FOLR3: variants seen among roughly 807,000 people sequenced by gnomAD.
FOLR3 encodes the protein folate receptor 3 (gamma).
In FOLR3, 9 loss-of-function variants were observed where a neutral mutation model predicts 20.0. That is an observed-to-expected ratio of 0.45 (90% CI 0.27 to 0.79). The LOEUF (loss-of-function observed/expected upper bound fraction) is 0.79, where lower values mean the gene tolerates loss of function less well. Among genes scored for constraint, FOLR3 ranks in the 30% least tolerant of loss-of-function variants. The pLI is 0.15. For synonymous variants in FOLR3, 124 were observed against 115.5 expected (o/e 1.07, Z -0.47); for missense variants, 309 against 323.5 (o/e 0.96, Z 0.34).
Position 72,138,935 on chromosome 11 carries a change from C to T in FOLR3, c.169-26C>T, listed in dbSNP as rs761619792. 10 of 1,612,770 alleles carry T rather than the reference C, an allele frequency of 6.2e-6. No homozygotes were observed. In the Admixed American group the frequency reaches 1.5e-4, roughly 24 times the overall value. The stretch of plus-strand genomic sequence containing the variant: ...AGGAGATGGCTGTGGTGGGGAGAGA[C>T]TTAGTCCTGTGTCTTCCCCACCCAG... On this transcript the variant is annotated intron_variant, in intron 2 of 4. Coordinates refer to ENST00000611028, the MANE Select transcript of FOLR3 (RefSeq NM_000804.4).
chr11:72,137,714 G>C (rs577120309), intron 2 of FOLR3, among the ~76,000 whole-genome samples: 1 of 151,954 alleles, frequency 6.6e-6, no homozygotes, highest in East Asian at 1.9e-4. Context: ...GGCTGGTCTC[G>C]AACTTCTAAC....
At chr11:72,138,409 G>A (rs1349436404) in intron 2 of FOLR3, among the ~76,000 whole-genome samples, 6 of 152,100 alleles carry the variant, frequency 3.9e-5, no homozygotes, top group African/African-American at 7.2e-5. Context: ...TTTTTAAACC[G>A]TTAAGAGCTG....
Position 72,139,108 on chromosome 11 carries a change from C to G in FOLR3, c.316C>G (p.Leu106Val). Residue 106 changes from leucine (L) to valine (V), a missense_variant, in exon 3 of 5, where the codon CTC becomes GTC. Transcript: ENST00000611028. ...CKRHFIQDSC[L>V]YECSPNLGPW... Reference sequence around the variant, plus strand: ...GCGCCACTTTATCCAGGACAGCTGTCTCTATGAGTGCTCACCCAACCTGGG... The same window carrying G: ...GCGCCACTTTATCCAGGACAGCTGTGTCTATGAGTGCTCACCCAACCTGGG... 6.7e-7 allele frequency: 1 copy of G among 1,494,688 alleles called. No individual in the cohort carries two copies. Among genetic ancestry groups the G allele is most frequent in the Non-Finnish European group, 8.9e-7 (1 of 1,120,540 alleles). 92.6% of individuals were successfully genotyped at this position (1,494,688 alleles called of 1,614,324 possible).
chr11:72,139,340 C>G lies in FOLR3; in HGVS notation c.358-7C>G, dbSNP rs1947786035. The stretch of plus-strand genomic sequence containing the variant: ...TGACAGGAGTATTCTGTCTCCTCCC[C>G]ACTCAGGTCAACCAGAGCTGGCGCA... On this transcript the variant is annotated splice_polypyrimidine_tract_variant and splice_region_variant and intron_variant, in intron 3 of 4. Transcript: ENST00000611028. The G allele has an allele frequency of 6.2e-7, 1 of 1,610,280 alleles. No homozygotes were observed. The highest frequency in any genetic ancestry group is 1.1e-5 in the South Asian group (1 of 90,568).
At chr11:72,139,325 A>T (rs756973426) in intron 3 of FOLR3, 22 bp from the exon 4 acceptor site, 1 of 1,608,880 alleles carries the variant, frequency 6.2e-7, no homozygotes, top group Non-Finnish European at 8.5e-7. Context: ...TGACAGGAGT[A>T]TTCTGTCTCC....
At position 72,139,606 on chromosome 11, in the gene FOLR3, C is replaced by G; in HGVS notation, c.513C>G (p.Ala171=). ...CCTCAGGGATTAATGAGTGTCCGGC[C>G]GGGGCCCTCTGCAGCACCTTTGAGT... ...NWTSGINECP[A]GALCSTFESY... is the part of the protein sequence containing the mutation. Residue 171 remains alanine (A), a synonymous_variant, in exon 5 of 5, where the codon GCC becomes GCG. Transcript: ENST00000611028. 6.2e-7 allele frequency: 1 copy of G among 1,613,728 alleles called. No individual in the cohort carries two copies. Among genetic ancestry groups the G allele is most frequent in the Non-Finnish European group, 8.5e-7 (1 of 1,179,900 alleles).
At position 72,136,746 on chromosome 11, in the gene FOLR3, G is replaced by A. The variant is rs558840865; in HGVS notation, c.168+626G>A. ...CTCCTTGCCAGGAAATGGTGTGGATGTAGACCTTTGAGAGAGACAGATGAC... is the reference window on the plus strand; with the variant it reads ...CTCCTTGCCAGGAAATGGTGTGGATATAGACCTTTGAGAGAGACAGATGAC... On this transcript the variant is annotated intron_variant, in intron 2 of 4. Coordinates refer to ENST00000611028, the MANE Select transcript of FOLR3 (RefSeq NM_000804.4). Among the ~76,000 whole-genome samples, 3 of 152,314 alleles carry A rather than the reference G, an allele frequency of 2.0e-5. No homozygotes were observed. The East Asian group carries it at 5.8e-4, about 29-fold the overall frequency.
intron 2 of FOLR3, 46 bp from the exon 3 acceptor site, chr11:72,138,915 A>C: frequency 6.2e-7 from 1 of 1,600,510 alleles, no homozygotes; most frequent in Non-Finnish European, 8.5e-7. Context: ...TATGGAGGAG[A>C]TGGCTGTGGT....
chr11:72,135,882 C>A, intron 1 of FOLR3, 65 bp from the exon 2 acceptor site: 7 of 1,520,188 alleles, frequency 4.6e-6, no homozygotes, highest in Non-Finnish European at 4.5e-6. Context: ...GGAGAGAGTA[C>A]ACAATCACAT....
rs371900505 is a variant in FOLR3 at position 72,138,992 on chromosome 11, C to T, written c.200C>T (p.Thr67Met). Residue 67 changes from threonine to methionine, a missense_variant, in exon 3 of 5, where the codon ACG becomes ATG. Coordinates refer to ENST00000611028, the MANE Select transcript of FOLR3 (RefSeq NM_000804.4). ...CSPWKKNACC[T>M]ASTSQELHKD... ...CCCTGGAAGAAGAATGCCTGCTGCA[C>T]GGCCAGCACCAGCCAGGAGCTGCAC... is the stretch of plus-strand genomic sequence containing the variant. 3.2e-5 allele frequency: 52 copies of T among 1,613,968 alleles called. No homozygotes were observed. Among genetic ancestry groups the T allele is most frequent in the Middle Eastern group, 3.3e-4 (2 of 6,062 alleles).
chr11:72,137,038 C>T (rs1023445792), intron 2 of FOLR3, among the ~76,000 whole-genome samples: 6 of 152,166 alleles, frequency 3.9e-5, no homozygotes, highest in Non-Finnish European at 7.4e-5. Context: ...CGGCACTGGG[C>T]GTGGGCCAGG....
rs1159690505 is a variant in FOLR3 at position 72,139,451 on chromosome 11, C to A, written c.462C>A (p.Ser154Arg). Residue 154 changes from serine (S) to arginine (R), a missense_variant, in exon 4 of 5, where the codon AGC becomes AGA. Physicochemically the swap from Ser to Arg is moderately radical, Grantham distance 110 (BLOSUM62 -1). Coordinates refer to ENST00000611028, the MANE Select transcript of FOLR3 (RefSeq NM_000804.4). ...GTCGCACCTCCTACACCTGCAAAAG[C>A]AACTGGCACAAAGGCTGGAATTGGA... ...EDCRTSYTCK[S>R]NWHKGWNWTS... is the part of the protein sequence containing the mutation. The A allele has an allele frequency of 1.2e-6, 2 of 1,613,362 alleles. No homozygotes were observed. The highest frequency in any genetic ancestry group is 2.7e-5 in the African/African-American group (2 of 74,922).
intron 2 of FOLR3, among the ~76,000 whole-genome samples, chr11:72,138,298 G>A (rs1490686556): frequency 6.6e-6 from 1 of 151,960 alleles, no homozygotes; most frequent in East Asian, 1.9e-4. Context: ...CCCGGGAGGT[G>A]GAGGTTGCAG....
intron 2 of FOLR3, among the ~76,000 whole-genome samples, chr11:72,137,446 C>A (rs866241170): frequency 5.9e-5 from 9 of 151,982 alleles, no homozygotes; most frequent in Non-Finnish European, 1.2e-4. Context: ...CACCCTCCCC[C>A]ACAACCTGGG....
intron 3 of FOLR3, 55 bp from the exon 4 acceptor site, chr11:72,139,292 G>A: frequency 2.5e-6 from 4 of 1,587,150 alleles, no homozygotes; most frequent in Non-Finnish European, 3.4e-6. Context: ...CCCTTCAAGG[G>A]TAAAGCTGCT....
At chr11:72,136,230 G>A in intron 2 of FOLR3, 110 bp downstream of exon 2, 4 of 1,351,102 alleles carry the variant, frequency 3.0e-6, no homozygotes, top group Non-Finnish European at 4.1e-6. Flanking sequence ...TGACAAGGAA[G>A]GGGAGGGGCG....
In FOLR3 at chr11:72,139,703, C is replaced by T. The variant is rs200896195; in HGVS notation, c.610C>T (p.Arg204Ter). ...CTCCTTCAAGGTCAGCAACTATAGT[C>T]GAGGGAGCGGCCGCTGCATCCAGAT... is the stretch of plus-strand genomic sequence containing the variant. ...SHSFKVSNYSRGSGRCIQMWF... is the reference protein window; with the variant it reads ...SHSFKVSNYS Residue 204 changes from arginine to a stop codon, truncating the protein, a stop_gained, in exon 5 of 5, where the codon CGA becomes TGA. Transcript: ENST00000611028. LOFTEE classifies it low-confidence loss of function (END_TRUNC). The T allele has an allele frequency of 4.6e-4, 749 of 1,613,840 alleles. No individual in the cohort carries two copies. Among genetic ancestry groups the T allele is most frequent in the Non-Finnish European group, 5.9e-4 (700 of 1,179,964 alleles).
rs763523423 is a variant in FOLR3, at chr11:72,136,014, G to A, written c.62G>A (p.Ser21Asn). Residue 21 changes from serine (S) to asparagine (N), a missense_variant, in exon 2 of 5, where the codon AGT becomes AAT. By Grantham distance (46) the Ser-to-Asn change is conservative. Transcript: ENST00000611028. ...CTGGCTTTGGTGACTGCTGCGGGGA[G>A]TGCCCAGCCCAGGAGTGCGCGGGCC... Reference protein sequence around the residue: ...LLLALVTAAGSAQPRSARART... With the variant: ...LLLALVTAAGNAQPRSARART... The A allele has an allele frequency of 2.5e-6, 4 of 1,613,966 alleles. No homozygotes were observed. The South Asian group carries it at 4.4e-5, about 18-fold the overall frequency.
intron 4 of FOLR3, 36 bp downstream of exon 4, chr11:72,139,518 T>C: frequency 6.2e-7 from 1 of 1,611,770 alleles, no homozygotes; most frequent in Admixed American, 1.7e-5. Flanking sequence ...GGAGTGGGAG[T>C]GGGGCTTTGG....
Sources: allele counts gnomAD v4.1 joint callset (sites outside exome capture counted in the v4.1 genomes callset), GRCh38; gene constraint gnomAD v4.1.1; transcripts MANE v1.5; gene names NCBI Gene and HGNC (gene_info 2026-07-23, HGNC 2026-07-21).